SLC6A6: variants seen among roughly 807,000 people sequenced by gnomAD.
SLC6A6 encodes sodium- and chloride-dependent taurine transporter.
Under a neutral mutation model 68.8 loss-of-function variants are expected in SLC6A6, and 16 were observed. The observed-to-expected ratio is 0.23, with a 90% confidence interval of 0.16 to 0.35. The LOEUF (loss-of-function observed/expected upper bound fraction) is 0.35, where lower values mean the gene tolerates loss of function less well. Among genes scored for constraint, SLC6A6 ranks in the 10% least tolerant of loss-of-function variants. The pLI is 1.00. For missense variants in SLC6A6, 474 were observed against 802.8 expected, an observed-to-expected ratio of 0.59 and a Z score of 4.95; for synonymous variants, 312 against 315.4, an observed-to-expected ratio of 0.99 and a Z score of 0.12.
intron 1 of SLC6A6, among the ~76,000 whole-genome samples, chr3:14,413,848 A>G (rs1236267646): frequency 6.6e-6 from 1 of 152,158 alleles, no homozygotes; most frequent in Non-Finnish European, 1.5e-5. Context: ...CATGCATAAA[A>G]TTACGCAGCA....
chr3:14,428,279 T>C (rs1046085791), intron 2 of SLC6A6, among the ~76,000 whole-genome samples: 7 of 152,196 alleles, frequency 4.6e-5, no homozygotes, highest in Non-Finnish European at 7.3e-5. Flanking sequence ...GGTTGGCCAG[T>C]GTTTGAGCCC....
At chr3:14,406,845 T>C (rs564902481) in intron 1 of SLC6A6, among the ~76,000 whole-genome samples, 1 of 152,096 alleles carries the variant, frequency 6.6e-6, no homozygotes, top group Admixed American at 6.5e-5. Context: ...AACATACAAA[T>C]AATAAACCAC....
At chr3:14,440,989 A>G (rs967349765) in intron 2 of SLC6A6, among the ~76,000 whole-genome samples, 2 of 152,088 alleles carry the variant, frequency 1.3e-5, no homozygotes, top group African/African-American at 4.8e-5. Flanking sequence ...CTGAGTGTGG[A>G]AGGGGGTGGA....
chr3:14,458,997 C>G (rs74710075), intron 6 of SLC6A6, among the ~76,000 whole-genome samples: 5,816 of 152,324 alleles, frequency 0.038, 122 homozygotes, highest in South Asian at 0.1. Flanking sequence ...TAGAGCTGAA[C>G]TGTTCCCTGA....
rs568136811 is a variant in SLC6A6 at position 14,476,559 on chromosome 3, G to A, written c.1210-646G>A. Among the ~76,000 whole-genome samples, 6 of 152,354 alleles carry A rather than the reference G, an allele frequency of 3.9e-5. No individual in the cohort carries two copies. The South Asian group carries it at 1.0e-3, about 26-fold the overall frequency. On this transcript the variant is annotated intron_variant, in intron 10 of 14. Transcript: ENST00000622186. The stretch of plus-strand genomic sequence containing the variant: ...ACATGCAAAGTCCTCTCATGGGCTT[G>A]TGATCCCCAAAGGATTGAAAGCCAC...
chr3:14,478,367 G>T, intron 11 of SLC6A6, 99 bp from the exon 12 acceptor site: 1 of 725,446 alleles, frequency 1.4e-6, no homozygotes, highest in Non-Finnish European at 2.5e-6. Flanking sequence ...TTTTTCTCTT[G>T]GGTTTTTTTA....
chr3:14,457,497 G>A (rs933865404), intron 5 of SLC6A6, among the ~76,000 whole-genome samples: 1 of 152,224 alleles, frequency 6.6e-6, no homozygotes, highest in Non-Finnish European at 1.5e-5. Context: ...TTGGGGGAGG[G>A]CAACACTTTA....
chr3:14,452,330 C>T (rs1700271282), intron 5 of SLC6A6, among the ~76,000 whole-genome samples: 2 of 152,234 alleles, frequency 1.3e-5, no homozygotes, highest in South Asian at 4.1e-4. Context: ...TGACTCACAG[C>T]CTGGCTTGAG....
intron 2 of SLC6A6, among the ~76,000 whole-genome samples, chr3:14,437,274 T>C (rs78668286): frequency 6.6e-6 from 1 of 152,120 alleles, no homozygotes; most frequent in Non-Finnish European, 1.5e-5. Context: ...TGTTTTTTTT[T>C]GGAGACAGGG....
chr3:14,414,483 G>T (rs1227330512), intron 1 of SLC6A6, among the ~76,000 whole-genome samples: 1 of 152,032 alleles, frequency 6.6e-6, no homozygotes, highest in Non-Finnish European at 1.5e-5. Flanking sequence ...AAGGGGCATG[G>T]GTGCCAGCAG....
intron 2 of SLC6A6, among the ~76,000 whole-genome samples, chr3:14,438,108 G>T (rs961842030): frequency 1.1e-4 from 17 of 150,972 alleles, no homozygotes; most frequent in Non-Finnish European, 2.9e-5. Flanking sequence ...GCCTCCCAAA[G>T]TGCTGGAATT....
chr3:14,483,452 T>A (rs1701058587), intron 14 of SLC6A6, among the ~76,000 whole-genome samples: 2 of 152,196 alleles, frequency 1.3e-5, no homozygotes, highest in South Asian at 4.1e-4. Flanking sequence ...CTGAGCCTCC[T>A]GTGTAGGCAG....
chr3:14,457,019 A>G (rs1024149651), intron 5 of SLC6A6, among the ~76,000 whole-genome samples: 2 of 152,178 alleles, frequency 1.3e-5, no homozygotes, highest in South Asian at 2.1e-4. Flanking sequence ...CTGGGCATCA[A>G]GTTTCATGGC....
chr3:14,414,588 C>T (rs1218349539), intron 1 of SLC6A6, among the ~76,000 whole-genome samples: 2 of 151,948 alleles, frequency 1.3e-5, no homozygotes, highest in African/African-American at 2.4e-5. Context: ...TGCAGTGGTA[C>T]GATCACTGCT....
chr3:14,420,171 G>A (rs543717352), intron 2 of SLC6A6, among the ~76,000 whole-genome samples: 18 of 152,332 alleles, frequency 1.2e-4, no homozygotes, highest in Middle Eastern at 3.4e-3. Context: ...AGTGGCTCAC[G>A]CCTGTAATCC....
chr3:14,460,908 G>A (rs1180429993), intron 6 of SLC6A6, among the ~76,000 whole-genome samples: 1 of 152,254 alleles, frequency 6.6e-6, no homozygotes, highest in Non-Finnish European at 1.5e-5. Flanking sequence ...CCTGGCCACA[G>A]ACCAGGTTTG....
intron 2 of SLC6A6, among the ~76,000 whole-genome samples, chr3:14,416,982 C>A (rs937616400): frequency 2.0e-5 from 3 of 152,238 alleles, no homozygotes; most frequent in Non-Finnish European, 4.4e-5. Context: ...GCAGCTGGCA[C>A]TACAGGCGCG....
At chr3:14,460,940 C>G (rs1223596590) in intron 6 of SLC6A6, among the ~76,000 whole-genome samples, 2 of 152,208 alleles carry the variant, frequency 1.3e-5, no homozygotes, top group Non-Finnish European at 2.9e-5. Flanking sequence ...GGGGCTGGGC[C>G]CACAGGCAGC....
intron 2 of SLC6A6, among the ~76,000 whole-genome samples, chr3:14,424,512 G>A (rs1031017742): frequency 6.6e-6 from 1 of 152,008 alleles, no homozygotes; most frequent in African/African-American, 2.4e-5. Flanking sequence ...GCGTGGCTGG[G>A]GTGTCCTGCT....
Sources: gnomAD v4.1 joint callset for allele counts (sites outside exome capture counted in the v4.1 genomes callset) on GRCh38, gnomAD v4.1.1 for gene constraint, MANE v1.5 for transcripts, NCBI Gene and HGNC (gene_info 2026-07-23, HGNC 2026-07-21) for gene names.